RARB: variants seen among roughly 807,000 people sequenced by gnomAD.
The protein encoded by RARB is HBV-activated protein.
RARB carries 17 observed loss-of-function variants against 51.9 expected under a neutral mutation model. That is an observed-to-expected ratio of 0.33 (90% CI 0.22 to 0.49). RARB has a LOEUF of 0.49. Ranked by LOEUF, RARB falls within the 20% of genes least tolerant of loss-of-function variation. RARB has a pLI of 0.99. For synonymous variants in RARB, 215 were observed against 195.4 expected (o/e 1.10, Z -0.84); for missense variants, 369 against 550.8 (o/e 0.67, Z 3.30).
chr3:24,926,328 T>G (rs1224281242), intron 2 of RARB, among the ~76,000 whole-genome samples: 1 of 152,016 alleles, frequency 6.6e-6, no homozygotes, highest in Non-Finnish European at 1.5e-5. Context: ...CCTGTGAAAA[T>G]CAAGGTATTG....
At chr3:25,350,159 G>T (rs540147026) in intron 5 of RARB, among the ~76,000 whole-genome samples, 14 of 152,130 alleles carry the variant, frequency 9.2e-5, no homozygotes, top group Admixed American at 7.2e-4. Flanking sequence ...CATTCTGCTG[G>T]TTAAAATGAG....
At chr3:24,864,915 C>T (rs17787403) in intron 2 of RARB, among the ~76,000 whole-genome samples, 4,511 of 152,266 alleles carry the variant, frequency 0.03, 93 homozygotes, top group Non-Finnish European at 0.049. Flanking sequence ...TAATAACTTT[C>T]CAGGTAATGC....
intron 5 of RARB, among the ~76,000 whole-genome samples, chr3:25,183,511 T>A (rs983673122): frequency 5.9e-5 from 9 of 152,198 alleles, no homozygotes; most frequent in Non-Finnish European, 1.0e-4. Flanking sequence ...GGATTACTCA[T>A]CACTGTCAAA....
At chr3:25,466,788 T>C (rs938147800) in intron 2 of RARB, among the ~76,000 whole-genome samples, 1 of 152,206 alleles carries the variant, frequency 6.6e-6, no homozygotes, top group East Asian at 1.9e-4. Context: ...TTCAACTCTG[T>C]CACTGTAGCA....
chr3:25,274,410 C>A (rs971827661), intron 5 of RARB, among the ~76,000 whole-genome samples: 2 of 152,112 alleles, frequency 1.3e-5, no homozygotes, highest in South Asian at 4.1e-4. Context: ...ATGCTTATCC[C>A]GATTCAGCCT....
chr3:24,866,631 A>C (rs1414060713), intron 2 of RARB, among the ~76,000 whole-genome samples: 2 of 152,156 alleles, frequency 1.3e-5, no homozygotes, highest in Non-Finnish European at 2.9e-5. Flanking sequence ...TCCAGGTCTT[A>C]GTTATCTGCA....
intron 2 of RARB, among the ~76,000 whole-genome samples, chr3:24,965,512 A>AT (rs1266232126): frequency 1.3e-5 from 2 of 152,134 alleles, no homozygotes; most frequent in African/African-American, 4.8e-5. Context: ...GAGAGGTGAT[A>AT]TTTTATGACC....
At chr3:25,444,754 TAA>T (rs1708853546) in intron 1 of RARB, among the ~76,000 whole-genome samples, 1 of 152,168 alleles carries the variant, frequency 6.6e-6, no homozygotes, top group Non-Finnish European at 1.5e-5. Context: ...CATCTCAAAA[TAA>T]AAGAGGGTAT....
At chr3:25,300,365 A>G (rs567559397) in intron 5 of RARB, among the ~76,000 whole-genome samples, 14 of 152,338 alleles carry the variant, frequency 9.2e-5, no homozygotes, top group African/African-American at 3.1e-4. Context: ...GTTTTTCACA[A>G]TGTGCAAGAC....
intron 2 of RARB, among the ~76,000 whole-genome samples, chr3:24,995,236 T>A (rs932900916): frequency 6.6e-6 from 1 of 151,794 alleles, no homozygotes; most frequent in Admixed American, 6.6e-5. Context: ...CAGGTGTTTT[T>A]TTTTATAGCT....
At chr3:25,239,212 A>G (rs1328609675) in intron 5 of RARB, among the ~76,000 whole-genome samples, 1 of 152,212 alleles carries the variant, frequency 6.6e-6, no homozygotes, top group Non-Finnish European at 1.5e-5. Flanking sequence ...GTCCCTTGTC[A>G]TATGAATAGT....
At chr3:25,068,431 ATAGATT>A (rs1244938155) in intron 3 of RARB, among the ~76,000 whole-genome samples, 2 of 152,170 alleles carry the variant, frequency 1.3e-5, no homozygotes, top group Non-Finnish European at 2.9e-5. Flanking sequence ...GAGGAAAGAA[ATAGATT>A]TAGAAGGAAA....
chr3:25,239,372 T>C (rs1040268422), intron 5 of RARB, among the ~76,000 whole-genome samples: 8 of 152,218 alleles, frequency 5.3e-5, no homozygotes, highest in African/African-American at 1.9e-4. Context: ...ATAATATCTT[T>C]CCCTAGACCA....
At chr3:25,274,232 A>G in intron 5 of RARB, among the ~76,000 whole-genome samples, 1 of 152,224 alleles carries the variant, frequency 6.6e-6, no homozygotes, top group Non-Finnish European at 1.5e-5. Context: ...ATTAACTAGT[A>G]TACATTTTGT....
intron 5 of RARB, among the ~76,000 whole-genome samples, chr3:25,356,040 A>C (rs561965840): frequency 6.6e-6 from 1 of 152,176 alleles, no homozygotes; most frequent in African/African-American, 2.4e-5. Flanking sequence ...TTGCAAGTTA[A>C]TAGAAAGGAG....
At chr3:25,524,977 C>A (rs945767259) in intron 3 of RARB, among the ~76,000 whole-genome samples, 4 of 152,156 alleles carry the variant, frequency 2.6e-5, no homozygotes, top group Non-Finnish European at 5.9e-5. Flanking sequence ...GATCCACCCC[C>A]CTCAGCCTCC....
At chr3:25,037,106 C>G (rs1041419271) in intron 2 of RARB, among the ~76,000 whole-genome samples, 1 of 152,120 alleles carries the variant, frequency 6.6e-6, no homozygotes. Context: ...TTTATAGCTT[C>G]GTTGAAGCGG....
At chr3:25,200,142 C>G (rs1455886505) in intron 5 of RARB, among the ~76,000 whole-genome samples, 2 of 152,202 alleles carry the variant, frequency 1.3e-5, no homozygotes, top group Non-Finnish European at 2.9e-5. Flanking sequence ...TCCATTCTAA[C>G]TGGTGTGAGA....
intron 1 of RARB, among the ~76,000 whole-genome samples, chr3:25,451,415 C>T (rs1426524649): frequency 6.6e-6 from 1 of 152,196 alleles, no homozygotes; most frequent in Admixed American, 6.5e-5. Flanking sequence ...CAATTTTATG[C>T]AGGCTCATGG....
Sources: allele counts gnomAD v4.1 joint callset (sites outside exome capture counted in the v4.1 genomes callset), GRCh38; gene constraint gnomAD v4.1.1; transcripts MANE v1.5; gene names NCBI Gene and HGNC (gene_info 2026-07-23, HGNC 2026-07-21).